PHACTR3: variants seen among roughly 807,000 people sequenced by gnomAD.
The protein encoded by PHACTR3 is protein phosphatase 1, regulatory subunit 123.
Under a neutral mutation model 66.8 loss-of-function variants are expected in PHACTR3, and 16 were observed. The ratio of observed to expected loss-of-function variants is 0.24; its 90% CI spans 0.16 to 0.36. The LOEUF is 0.36. PHACTR3 is among the 10% of genes least tolerant of loss of function. PHACTR3 has a pLI of 1.00. For synonymous variants in PHACTR3, 323 were observed against 292.1 expected, an observed-to-expected ratio of 1.11 and a Z score of -1.08; for missense variants, 647 against 719.9, an observed-to-expected ratio of 0.90 and a Z score of 1.16.
intron 7 of PHACTR3, among the ~76,000 whole-genome samples, chr20:59,775,321 G>C (rs1014375276): frequency 1.3e-5 from 2 of 152,282 alleles, no homozygotes; most frequent in African/African-American, 4.8e-5. Context: ...GTCCGTTGCT[G>C]TTCTTCCTGG....
intron 7 of PHACTR3, among the ~76,000 whole-genome samples, chr20:59,802,499 G>A (rs2041442387): frequency 1.3e-5 from 2 of 152,190 alleles, no homozygotes; most frequent in South Asian, 4.1e-4. Context: ...GTGTGCTTGA[G>A]TACAGAGTCT....
chr20:59,613,820 T>C (rs1272210802), intron 1 of PHACTR3, among the ~76,000 whole-genome samples: 2 of 152,240 alleles, frequency 1.3e-5, no homozygotes, highest in East Asian at 1.9e-4. Context: ...GACTAAGATA[T>C]GTGATCCAAG....
chr20:59,790,263 T>G (rs989430231), intron 7 of PHACTR3, among the ~76,000 whole-genome samples: 4 of 152,154 alleles, frequency 2.6e-5, no homozygotes, highest in Non-Finnish European at 5.9e-5. Context: ...TTCCTGATCC[T>G]CTCCCTTCTC....
At chr20:59,682,759 C>T (rs1238399545) in intron 1 of PHACTR3, among the ~76,000 whole-genome samples, 1 of 152,122 alleles carries the variant, frequency 6.6e-6, no homozygotes. Flanking sequence ...AGTGAAGACG[C>T]CCCGAATAAG....
intron 4 of PHACTR3, among the ~76,000 whole-genome samples, chr20:59,766,498 T>C (rs969328714): frequency 2.6e-5 from 4 of 151,502 alleles, no homozygotes; most frequent in Admixed American, 6.6e-5. Context: ...GATTGATAGG[T>C]TGAGGGAAAG....
At chr20:59,694,437 A>G (rs1012791732) in intron 1 of PHACTR3, among the ~76,000 whole-genome samples, 1 of 151,928 alleles carries the variant, frequency 6.6e-6, no homozygotes, top group Admixed American at 6.6e-5. Flanking sequence ...TAAGTATAAA[A>G]TGAAAGAGGG....
intron 5 of PHACTR3, 138 bp from the exon 6 acceptor site, chr20:59,773,141 C>T: frequency 1.1e-6 from 1 of 930,188 alleles, no homozygotes; most frequent in Non-Finnish European, 1.6e-6. Flanking sequence ...GATCCCGGTC[C>T]AGCATCTTGG....
At chr20:59,705,610 TC>T (rs2037672335) in intron 1 of PHACTR3, among the ~76,000 whole-genome samples, 2 of 148,656 alleles carry the variant, frequency 1.3e-5, no homozygotes. Flanking sequence ...GTAGATTGGT[TC>T]ATCAGCTGCT....
intron 1 of PHACTR3, among the ~76,000 whole-genome samples, chr20:59,578,271 C>T (rs116299162): frequency 2.0e-5 from 3 of 152,226 alleles, no homozygotes; most frequent in Non-Finnish European, 4.4e-5. Context: ...CTCAGGCCTC[C>T]TGGTGACAAG....
chr20:59,661,286 T>A (rs2146477096), intron 1 of PHACTR3, among the ~76,000 whole-genome samples: 1 of 152,178 alleles, frequency 6.6e-6, no homozygotes, highest in Non-Finnish European at 1.5e-5. Flanking sequence ...CAGGATGGTG[T>A]TTCAGACAGA....
intron 2 of PHACTR3, among the ~76,000 whole-genome samples, chr20:59,747,124 C>T (rs542670709): frequency 1.4e-4 from 21 of 152,238 alleles, no homozygotes; most frequent in South Asian, 2.1e-4. Context: ...TGTTTTGCTC[C>T]GGGAAGGGGA....
chr20:59,693,249 T>C (rs760425787), intron 1 of PHACTR3, among the ~76,000 whole-genome samples: 2 of 152,216 alleles, frequency 1.3e-5, no homozygotes, highest in Non-Finnish European at 2.9e-5. Context: ...CTGTGACTTG[T>C]TGCATCTATG....
chr20:59,776,184 C>T (rs946360), intron 7 of PHACTR3, among the ~76,000 whole-genome samples: 89,661 of 152,076 alleles, frequency 0.59, 28,932 homozygotes, highest in Non-Finnish European at 0.71. Context: ...GGCCCCTTAC[C>T]GGGTGTTTCT....
chr20:59,720,374 C>T (rs2038249045), intron 1 of PHACTR3, among the ~76,000 whole-genome samples: 1 of 152,204 alleles, frequency 6.6e-6, no homozygotes. Context: ...CTCAGACAGG[C>T]AGAGGCCACG....
chr20:59,645,839 T>C (rs1367635042), intron 1 of PHACTR3, among the ~76,000 whole-genome samples: 1 of 152,120 alleles, frequency 6.6e-6, no homozygotes, highest in African/African-American at 2.4e-5. Flanking sequence ...TGGCACATCA[T>C]GAAAGCTTAA....
chr20:59,811,121 G>T (rs1246265451), intron 8 of PHACTR3, among the ~76,000 whole-genome samples: 1 of 152,228 alleles, frequency 6.6e-6, no homozygotes, highest in Non-Finnish European at 1.5e-5. Flanking sequence ...TTGGTGAGAA[G>T]GTAACTGGCC....
rs112742273 is a variant in PHACTR3, at chr20:59,634,606, C to T, written c.118+29474C>T. Among the ~76,000 whole-genome samples, 730 of 152,264 alleles carry T rather than the reference C, an allele frequency of 4.8e-3. 9 individuals carry two copies. Among genetic ancestry groups the T allele is most frequent in the African/African-American group, 0.016 (680 of 41,568 alleles). ...TGAGCATTTTCCCAGAAAAATTTCCCGGTCTAAACTGTTTACTCTCTGGCC... is the reference window on the plus strand; with the variant it reads ...TGAGCATTTTCCCAGAAAAATTTCCTGGTCTAAACTGTTTACTCTCTGGCC... On this transcript the variant is annotated intron_variant, in intron 1 of 12. Transcript: ENST00000371015.
intron 1 of PHACTR3, among the ~76,000 whole-genome samples, chr20:59,605,855 A>AG (rs2033647544): frequency 1.5e-3 from 13 of 8,842 alleles, no homozygotes; most frequent in South Asian, 0.013. Flanking sequence ...GCGGGGGGGG[A>AG]GGTGGGGGGG....
At chr20:59,628,983 G>T (rs767777995) in intron 1 of PHACTR3, among the ~76,000 whole-genome samples, 2 of 152,208 alleles carry the variant, frequency 1.3e-5, no homozygotes, top group African/African-American at 2.4e-5. Flanking sequence ...GGTACAGTGA[G>T]GTTAACTAAA....
Sources: allele counts gnomAD v4.1 joint callset (sites outside exome capture counted in the v4.1 genomes callset), GRCh38; gene constraint gnomAD v4.1.1; transcripts MANE v1.5; gene names NCBI Gene and HGNC (gene_info 2026-07-23, HGNC 2026-07-21).